RNPEPL1: variants seen among roughly 807,000 people sequenced by gnomAD.
RNPEPL1 encodes aminopeptidase RNPEPL1.
Under a neutral mutation model 69.0 loss-of-function variants are expected in RNPEPL1, and 46 were observed. That is an observed-to-expected ratio of 0.67 (90% CI 0.53 to 0.85). The LOEUF (loss-of-function observed/expected upper bound fraction) is 0.85. Among genes scored for constraint, RNPEPL1 ranks in the 40% least tolerant of loss-of-function variants. RNPEPL1 has a pLI of 0.00. For missense variants in RNPEPL1, 869 were observed against 992.5 expected, an observed-to-expected ratio of 0.88 and a Z score of 1.67; for synonymous variants, 525 against 454.1, an observed-to-expected ratio of 1.16 and a Z score of -1.98.
intron 8 of RNPEPL1, chr2:240,575,900 G>A (rs573368442): frequency 2.4e-4 from 113 of 461,482 alleles, no homozygotes; most frequent in African/African-American, 2.1e-3. Context: ...TGCAGGAAGG[G>A]CGGGTGACGG....
In RNPEPL1 at chr2:240,568,796, C is replaced by G. The variant is rs1267882926; in HGVS notation, c.210C>G (p.Pro70=). 3 of 1,082,176 alleles carry G rather than the reference C, an allele frequency of 2.8e-6. No homozygotes were observed. In the East Asian group the frequency reaches 2.0e-4, roughly 73 times the overall value. The allele number at this position is 1,082,176 out of a possible 1,614,324, so 67.0% of individuals were successfully genotyped here. A position where few individuals can be genotyped will look rare whatever the true frequency, so the allele number is the denominator to read the frequency against. The part of the protein sequence containing the change: ...CLVLELCALR[P]APRALVLDAH... The stretch of plus-strand genomic sequence containing the variant: ...TGCTCGAGCTGTGCGCGCTGCGGCC[C>G]GCGCCCCGCGCGCTCGTGCTCGACG... The change falls in exon 1 of 11, where the codon CCC becomes CCG. Residue 70 remains proline (P), a synonymous_variant. Coordinates refer to ENST00000270357, the MANE Select transcript of RNPEPL1 (RefSeq NM_018226.6). The surrounding 1 kb of genome is among the most constrained non-coding windows in gnomAD (Gnocchi z 6.2).
intron 1 of RNPEPL1, 165 bp downstream of exon 1, chr2:240,569,279 C>G: frequency 1.3e-6 from 1 of 748,106 alleles, no homozygotes; most frequent in South Asian, 2.4e-5. Context: ...TTAGGACCCT[C>G]GGATAGAAGC....
In RNPEPL1 at chr2:240,568,669, TG is replaced by T; in HGVS notation, c.85del (p.Asp29ThrfsTer156). 9.7e-7 allele frequency: 1 copy of T among 1,031,104 alleles called. No individual in the cohort carries two copies. The highest frequency in any genetic ancestry group is 3.4e-5 in the South Asian group (1 of 29,790). 63.9% of individuals were successfully genotyped at this position (1,031,104 alleles called of 1,614,324 possible). A position where few individuals can be genotyped will look rare whatever the true frequency, so the allele number is the denominator to read the frequency against. ...VRPPPEPPPALDVASASSAQL... is the reference protein window; with the variant it reads ...VRPPPEPPPAXDVASASSAQL... ...CCGCCGCCCGAGCCGCCGCCCGCCC[TG>T]GACGTGGCCTCGGCCTCCAGCGCGC... On this transcript the variant is annotated frameshift_variant, in exon 1 of 11. Coordinates refer to ENST00000270357, the MANE Select transcript of RNPEPL1 (RefSeq NM_018226.6). LOFTEE classifies it high-confidence loss of function. The surrounding 1 kb of genome is among the most constrained non-coding windows in gnomAD (Gnocchi z 6.2).
rs374729262 is a variant in RNPEPL1, at chr2:240,569,071, C to T, written c.485C>T (p.Pro162Leu). 13 of 1,510,198 alleles carry T rather than the reference C, an allele frequency of 8.6e-6. No homozygotes were observed. The East Asian group carries it at 1.9e-4, about 22-fold the overall frequency. The allele number at this position is 1,510,198 out of a possible 1,614,324, so 93.5% of individuals were successfully genotyped here. ...CCGCCCGAGCTGCAGGCGCACCAGC[C>T]CTTCCAGGTCATCCTGCGGTACACC... is the stretch of plus-strand genomic sequence containing the variant. ...TLPPELQAHQ[P>L]FQVILRYTST... Residue 162 changes from proline to leucine, a missense_variant, in exon 1 of 11, where the codon CCC becomes CTC. Pro to Leu is a moderately conservative substitution (Grantham distance 98). Around this residue, in one of 2 missense-constraint regions of RNPEPL1, gnomAD observed 610 missense variants for 790.9 expected, o/e 0.77. Coordinates refer to ENST00000270357, the MANE Select transcript of RNPEPL1 (RefSeq NM_018226.6).
At chr2:240,576,155 T>C in intron 8 of RNPEPL1, 1 of 309,704 alleles carries the variant, frequency 3.2e-6, no homozygotes, top group South Asian at 4.6e-5. Context: ...GCACTGCCCT[T>C]TAAGAGCAGG....
chr2:240,575,336 C>A, intron 7 of RNPEPL1, 166 bp from the exon 8 acceptor site: 1 of 751,640 alleles, frequency 1.3e-6, no homozygotes, highest in Non-Finnish European at 2.3e-6. Context: ...CTGTTTGCTC[C>A]CTTGGCAGGG....
At chr2:240,576,475 T>C (rs942645456) in intron 8 of RNPEPL1, 60 bp from the exon 9 acceptor site, 3 of 1,481,964 alleles carry the variant, frequency 2.0e-6, no homozygotes, top group African/African-American at 1.4e-5. Context: ...CCTGGGCAGA[T>C]TGCTCAGGCA....
chr2:240,575,166 G>A (rs565127205), intron 7 of RNPEPL1, 24 bp downstream of exon 7: 56 of 1,583,584 alleles, frequency 3.5e-5, no homozygotes, highest in Admixed American at 5.0e-5. Context: ...TGCCCGGGAC[G>A]GCCCTGCTGC....
In RNPEPL1 at chr2:240,573,318, C is replaced by T. The variant is rs553508802; in HGVS notation, c.821+57C>T. ...GCGCAGGCCTCGGGGAGAGCCCCAC[C>T]GGGGGTCTGTGGCCTGTGTCCACGG... On this transcript the variant is annotated intron_variant, in intron 3 of 10. Coordinates refer to ENST00000270357, the MANE Select transcript of RNPEPL1 (RefSeq NM_018226.6). 1.5e-4 allele frequency: 227 copies of T among 1,502,032 alleles called. No homozygotes were observed. The African/African-American group carries it at 1.8e-3, about 12-fold the overall frequency. The allele number at this position is 1,502,032 out of a possible 1,614,324, so 93.0% of individuals were successfully genotyped here.
At position 240,568,606 on chromosome 2, in the gene RNPEPL1, G is replaced by A; in HGVS notation, c.20G>A (p.Cys7Tyr). 1.0e-6 allele frequency: 1 copy of A among 990,266 alleles called. No homozygotes were observed. Among genetic ancestry groups the A allele is most frequent in the African/African-American group, 1.8e-5 (1 of 56,288 alleles). 61.3% of individuals were successfully genotyped at this position (990,266 alleles called of 1,614,324 possible). A position where few individuals can be genotyped will look rare whatever the true frequency, so the allele number is the denominator to read the frequency against. The change falls in exon 1 of 11, where the codon TGC becomes TAC. Residue 7 changes from cysteine (C) to tyrosine (Y), a missense_variant. Physicochemically the swap from Cys to Tyr is radical, Grantham distance 194. Around this residue, in one of 2 missense-constraint regions of RNPEPL1, gnomAD observed 259 missense variants for 201.5 expected, o/e 1.29. Coordinates refer to ENST00000270357, the MANE Select transcript of RNPEPL1 (RefSeq NM_018226.6). The surrounding 1 kb of genome is among the most constrained non-coding windows in gnomAD (Gnocchi z 6.2). MAAQCC[C>Y]RQAPGAEAAP... The stretch of plus-strand genomic sequence containing the variant: ...GCGGCCATGGCCGCGCAGTGCTGCT[G>A]CCGCCAGGCGCCCGGCGCCGAGGCC...
At position 240,573,799 on chromosome 2, in the gene RNPEPL1, C is replaced by A; in HGVS notation, c.846C>A (p.Cys282Ter). 1 of 1,547,524 alleles carries A rather than the reference C, an allele frequency of 6.5e-7. No individual in the cohort carries two copies. The highest frequency in any genetic ancestry group is 8.7e-7 in the Non-Finnish European group (1 of 1,145,402). The change falls in exon 4 of 11, where the codon TGC (cysteine) becomes TGA (stop). Residue 282 changes from cysteine (C) to a stop codon, truncating the protein, a stop_gained. Coordinates refer to ENST00000270357, the MANE Select transcript of RNPEPL1 (RefSeq NM_018226.6). LOFTEE classifies it high-confidence loss of function. ...GPRSRVWAEPCLLPTATSKLS... is the reference protein window; with the variant it reads ...GPRSRVWAEP ...GGAGCCGCGTGTGGGCCGAGCCATGCCTCCTGCCCACGGCCACCAGCAAGC... is the reference window on the plus strand; with the variant it reads ...GGAGCCGCGTGTGGGCCGAGCCATGACTCCTGCCCACGGCCACCAGCAAGC...
At chr2:240,574,831 C>G in intron 6 of RNPEPL1, 199 bp from the exon 7 acceptor site, 1 of 658,260 alleles carries the variant, frequency 1.5e-6, no homozygotes, top group South Asian at 1.8e-5. Flanking sequence ...CTCTGAGCAG[C>G]AGTCACAGTG....
At chr2:240,574,049 G>A (rs2093030469) in intron 4 of RNPEPL1, 64 bp from the exon 5 acceptor site, 1 of 1,480,128 alleles carries the variant, frequency 6.8e-7, no homozygotes, top group African/African-American at 1.4e-5. Flanking sequence ...AAGGTGGGGT[G>A]CGGGTGTGCA....
intron 3 of RNPEPL1, 81 bp downstream of exon 3, chr2:240,573,342 G>T (rs557076843): frequency 3.5e-6 from 5 of 1,437,850 alleles, no homozygotes; most frequent in Non-Finnish European, 3.7e-6. Context: ...CTGTGTCCAC[G>T]GCTGCCCTGC....
chr2:240,569,645 G>A (rs530595053), intron 1 of RNPEPL1, among the ~76,000 whole-genome samples: 140 of 152,342 alleles, frequency 9.2e-4, no homozygotes, highest in African/African-American at 3.2e-3. Flanking sequence ...CCACTCCAGA[G>A]ACTCTGCAAG....
In RNPEPL1 at chr2:240,581,258, A is replaced by G. The variant is rs1245966496; in HGVS notation, c.*3366A>G. 6.6e-6 allele frequency: 1 copy of G among 152,260 alleles called. No homozygotes were observed. Among genetic ancestry groups the G allele is most frequent in the African/African-American group, 2.4e-5 (1 of 41,460 alleles). The allele number at this position is 152,260 out of a possible 1,614,324, so 9.4% of individuals were successfully genotyped here. A position where few individuals can be genotyped will look rare whatever the true frequency, so the allele number is the denominator to read the frequency against. The stretch of plus-strand genomic sequence containing the variant: ...CTAAAGACGACTTTTGAAATAAACC[A>G]TAACATATGAAGAGGCACTTATGAA... On this transcript the variant is annotated 3_prime_UTR_variant, in exon 11 of 11. Transcript: ENST00000270357.
In RNPEPL1 at chr2:240,572,495, T is replaced by C; in HGVS notation, c.601T>C (p.Cys201Arg). 1 of 1,536,280 alleles carries C rather than the reference T, an allele frequency of 6.5e-7. No individual in the cohort carries two copies. Among genetic ancestry groups the C allele is most frequent in the South Asian group, 1.2e-5 (1 of 84,068 alleles). The stretch of plus-strand genomic sequence containing the variant: ...CGTCTTCACCCAGGGCCACTCCGTG[T>C]GCAACCGCTCCTTCTTCCCGTGCTT... Reference protein sequence around the residue: ...PFVFTQGHSVCNRSFFPCFDT... With the variant: ...PFVFTQGHSVRNRSFFPCFDT... Residue 201 changes from cysteine (C) to arginine (R), a missense_variant, in exon 2 of 11, where the codon TGC (cysteine) becomes CGC (arginine). Coordinates refer to ENST00000270357, the MANE Select transcript of RNPEPL1 (RefSeq NM_018226.6).
chr2:240,571,697 G>A (rs1004880616), intron 1 of RNPEPL1, among the ~76,000 whole-genome samples: 20 of 151,690 alleles, frequency 1.3e-4, no homozygotes, highest in Non-Finnish European at 2.2e-4. Context: ...GAGGTTTGCC[G>A]GGGGGGTGAC....
At chr2:240,573,283 T>A in intron 3 of RNPEPL1, 22 bp downstream of exon 3, 2 of 1,548,930 alleles carry the variant, frequency 1.3e-6, no homozygotes, top group Non-Finnish European at 1.7e-6. Context: ...TGCTGGGGCC[T>A]TCTGGGGCTG....
Sources: gnomAD v4.1 joint callset for allele counts (sites outside exome capture counted in the v4.1 genomes callset) on GRCh38, gnomAD v4.1.1 for gene constraint, gnomAD v4.1.1 regional missense constraint, Gnocchi (gnomAD v3.1) non-coding constraint, MANE v1.5 for transcripts, NCBI Gene and HGNC (gene_info 2026-07-23, HGNC 2026-07-21) for gene names.